The following TG variants were observed in gnomAD, a reference collection of about 807,000 sequenced individuals.
TG encodes the protein thyroglobulin.
TG carries 270 observed loss-of-function variants against 324.7 expected under a neutral mutation model. The observed-to-expected ratio is 0.83, with a 90% CI of 0.75 to 0.92. The LOEUF (loss-of-function observed/expected upper bound fraction) is 0.92. Ranked by LOEUF, TG falls within the 40% of genes least tolerant of loss-of-function variation. The pLI is 0.00. For synonymous variants in TG, 1,401 were observed against 1,327.0 expected (o/e 1.06, Z -1.21); for missense variants, 3,591 against 3,456.4 (o/e 1.04, Z -0.98).
At position 132,967,794 on chromosome 8, in the gene TG, G is replaced by A. The variant is rs1287132845; in HGVS notation, c.5687G>A (p.Arg1896His). The change falls in exon 31 of 48, where the codon CGT becomes CAT. Residue 1896 changes from arginine (R) to histidine (H), a missense_variant and splice_region_variant. Arg to His is a conservative substitution (Grantham distance 29). Coordinates refer to ENST00000220616, the MANE Select transcript of TG (RefSeq NM_003235.5). ...AATCACACTACTCTCTTGCCTGTAG[G>A]TTGTGTGCAGGAGCACTCTTTCTGT... ...AQQANLWCLSRCVQEHSFCQL... is the reference protein window; with the variant it reads ...AQQANLWCLSHCVQEHSFCQL... The A allele has an allele frequency of 1.2e-6, 2 of 1,613,696 alleles. No individual in the cohort carries two copies. Among genetic ancestry groups the A allele is most frequent in the Non-Finnish European group, 1.7e-6 (2 of 1,179,762 alleles).
rs763615136 is a variant in TG, at chr8:133,013,607, C to A, written c.6405C>A (p.Ser2135=). The A allele has an allele frequency of 1.9e-6, 3 of 1,614,168 alleles. No homozygotes were observed. The Admixed American group carries it at 5.0e-5, about 27-fold the overall frequency. The change falls in exon 37 of 48, where the codon TCC becomes TCA. Residue 2135 remains serine (S), a synonymous_variant. Transcript: ENST00000220616. The part of the protein sequence containing the change: ...AVRDLCLSEC[S]QHEACLITTL... ...TCTCCCTCTTTTCTGCAGAATGTTCCCAACATGAGGCCTGTCTCATCACCA... is the reference window on the plus strand; with the variant it reads ...TCTCCCTCTTTTCTGCAGAATGTTCACAACATGAGGCCTGTCTCATCACCA...
chr8:133,080,433 T>C (rs1355166555), intron 41 of TG, among the ~76,000 whole-genome samples: 3 of 152,018 alleles, frequency 2.0e-5, no homozygotes, highest in Admixed American at 2.0e-4. Context: ...AAGTAGGAAA[T>C]TTGCTGTCAC....
intron 41 of TG, among the ~76,000 whole-genome samples, chr8:133,071,767 T>C (rs1005357408): frequency 4.6e-5 from 7 of 152,152 alleles, no homozygotes; most frequent in African/African-American, 1.4e-4. Flanking sequence ...CTCTTCTCTC[T>C]CCCTGGCTCT....
At chr8:133,120,551 C>T (rs752933739) in intron 45 of TG, among the ~76,000 whole-genome samples, 29 of 152,310 alleles carry the variant, frequency 1.9e-4, no homozygotes, top group Non-Finnish European at 3.4e-4. Flanking sequence ...TCTCTCTTAG[C>T]CCCTGGTGGC....
chr8:133,071,277 A>G (rs1843979384), intron 41 of TG, among the ~76,000 whole-genome samples: 1 of 152,154 alleles, frequency 6.6e-6, no homozygotes, highest in South Asian at 2.1e-4. Flanking sequence ...AACCGGGGAA[A>G]CCAAGGCCAG....
chr8:133,047,921 C>T, intron 41 of TG: 5 of 1,606,930 alleles, frequency 3.1e-6, no homozygotes, highest in Non-Finnish European at 3.4e-6. Flanking sequence ...TGCCCAGGCC[C>T]TCAAACAGCC....
intron 35 of TG, chr8:132,983,809 A>G (rs1055193698): frequency 2.9e-6 from 1 of 342,740 alleles, no homozygotes; most frequent in African/African-American, 2.1e-5. Context: ...ATTAGTGCAA[A>G]AGAGTTGGAG....
chr8:132,985,063 T>C (rs1831355076), intron 35 of TG, among the ~76,000 whole-genome samples: 1 of 152,170 alleles, frequency 6.6e-6, no homozygotes, highest in Non-Finnish European at 1.5e-5. Flanking sequence ...CATCCTGGCC[T>C]CCGTGTTTCT....
chr8:133,024,284 T>G (rs1194034148), intron 40 of TG, among the ~76,000 whole-genome samples: 2 of 152,114 alleles, frequency 1.3e-5, no homozygotes, highest in Admixed American at 6.5e-5. Flanking sequence ...GTCTGTCTTT[T>G]GCATTCATTA....
intron 27 of TG, among the ~76,000 whole-genome samples, chr8:132,954,436 C>T (rs1229288588): frequency 6.6e-6 from 1 of 152,178 alleles, no homozygotes; most frequent in Non-Finnish European, 1.5e-5. Context: ...GGGCAAGTAA[C>T]ACAGAGAAGA....
chr8:132,869,766 T>A lies in TG; in HGVS notation c.214T>A (p.Cys72Ser). The change falls in exon 3 of 48, where the codon TGT (cysteine) becomes AGT (serine). Residue 72 changes from cysteine to serine, a missense_variant. Transcript: ENST00000220616. ...CCAGAACGACGGCCGCTCCTGCTGG[T>A]GTGTGGGTGCCAACGGCAGTGAAGT... is the stretch of plus-strand genomic sequence containing the variant. Reference protein sequence around the residue: ...QCQNDGRSCWCVGANGSEVLG... With the variant: ...QCQNDGRSCWSVGANGSEVLG... The A allele has an allele frequency of 6.2e-7, 1 of 1,614,060 alleles. No individual in the cohort carries two copies.
At chr8:133,126,049 A>G (rs1270474199) in intron 45 of TG, among the ~76,000 whole-genome samples, 1 of 152,232 alleles carries the variant, frequency 6.6e-6, no homozygotes, top group East Asian at 1.9e-4. Context: ...TAGTCAGAAA[A>G]GTCAATTAAG....
chr8:132,905,865 G>T (rs1379367412), intron 16 of TG, among the ~76,000 whole-genome samples: 1 of 152,158 alleles, frequency 6.6e-6, no homozygotes, highest in Non-Finnish European at 1.5e-5. Context: ...GTTGATATTT[G>T]AGGGTCAAAA....
At chr8:132,999,145 G>T in intron 35 of TG, among the ~76,000 whole-genome samples, 1 of 152,098 alleles carries the variant, frequency 6.6e-6, no homozygotes, top group Non-Finnish European at 1.5e-5. Context: ...CAGGTTCAGG[G>T]GGTAGCAGTG....
chr8:133,013,726 T>C lies in TG; in HGVS notation c.6524T>C (p.Leu2175Pro). 1 of 1,613,320 alleles carries C rather than the reference T, an allele frequency of 6.2e-7. No homozygotes were observed. Among genetic ancestry groups the C allele is most frequent in the Non-Finnish European group, 8.5e-7 (1 of 1,180,014 alleles). ...CTGCAGGGTCAGAACTGCCGACTTC[T>C]GCTTCGTGAAGAGGCCACCCACATC... is the stretch of plus-strand genomic sequence containing the variant. ...HSLQGQNCRL[L>P]LREEATHIYR... The change falls in exon 37 of 48, where the codon CTG (leucine) becomes CCG (proline). Residue 2175 changes from leucine to proline, a missense_variant. Coordinates refer to ENST00000220616, the MANE Select transcript of TG (RefSeq NM_003235.5).
At chr8:133,118,668 G>T (rs1850903943) in intron 45 of TG, among the ~76,000 whole-genome samples, 1 of 152,098 alleles carries the variant, frequency 6.6e-6, no homozygotes, top group African/African-American at 2.4e-5. Context: ...AAAGTTCAGA[G>T]CCCAATTTTG....
At chr8:132,986,526 C>T (rs1178524336) in intron 35 of TG, among the ~76,000 whole-genome samples, 3 of 152,170 alleles carry the variant, frequency 2.0e-5, no homozygotes, top group African/African-American at 4.8e-5. Context: ...CCTACTCTCA[C>T]GATGCTCACC....
At chr8:132,943,033 C>T (rs1824679972) in intron 26 of TG, among the ~76,000 whole-genome samples, 2 of 152,182 alleles carry the variant, frequency 1.3e-5, no homozygotes, top group South Asian at 4.1e-4. Flanking sequence ...ACAATATCCC[C>T]ACCAGGCTCA....
At chr8:132,879,413 C>T (rs78126087) in intron 5 of TG, among the ~76,000 whole-genome samples, 5,979 of 152,212 alleles carry the variant, frequency 0.039, 271 homozygotes, top group African/African-American at 0.11. Context: ...TGCAGAATCC[C>T]AGTTTTCTCA....
Sources: allele counts gnomAD v4.1 joint callset (sites outside exome capture counted in the v4.1 genomes callset), GRCh38; gene constraint gnomAD v4.1.1; transcripts MANE v1.5; gene names NCBI Gene and HGNC (gene_info 2026-07-23, HGNC 2026-07-21).